PHC3: variants seen among roughly 807,000 people sequenced by gnomAD.
The protein encoded by PHC3 is polyhomeotic-like protein 3.
PHC3 carries 13 observed loss-of-function variants against 107.4 expected under a neutral mutation model. The ratio of observed to expected loss-of-function variants is 0.12; its 90% CI spans 0.08 to 0.19. The LOEUF is 0.19. Ranked by LOEUF, PHC3 falls within the 10% of genes least tolerant of loss-of-function variation. The pLI, the probability that PHC3 is intolerant of heterozygous loss-of-function variation, is 1.00. For missense variants in PHC3, 992 were observed against 1,210.9 expected, an observed-to-expected ratio of 0.82 and a Z score of 2.68; for synonymous variants, 456 against 427.4, an observed-to-expected ratio of 1.07 and a Z score of -0.83.
At chr3:170,136,349 A>T in intron 7 of PHC3, 70 bp downstream of exon 7, 1 of 1,576,118 alleles carries the variant, frequency 6.3e-7, no homozygotes, top group Non-Finnish European at 8.7e-7. Context: ...AGTCATGAAC[A>T]TCCTTTGTTT....
At chr3:170,157,088 T>A (rs1249461682) in intron 4 of PHC3, among the ~76,000 whole-genome samples, 1 of 152,164 alleles carries the variant, frequency 6.6e-6, no homozygotes, top group East Asian at 1.9e-4. Context: ...ATTATCATAT[T>A]GGAAATAATT....
intron 4 of PHC3, among the ~76,000 whole-genome samples, chr3:170,155,332 GAGTAA>G (rs1726721494): frequency 1.3e-5 from 2 of 152,196 alleles, no homozygotes; most frequent in African/African-American, 4.8e-5. Flanking sequence ...GTCCACTGCT[GAGTAA>G]AAAGGCAGCA....
At chr3:170,131,218 A>G (rs1467990225) in intron 7 of PHC3, among the ~76,000 whole-genome samples, 1 of 151,958 alleles carries the variant, frequency 6.6e-6, no homozygotes, top group Non-Finnish European at 1.5e-5. Flanking sequence ...AGTACTTCAC[A>G]CTAAGACTGA....
At position 170,129,020 on chromosome 3, in the gene PHC3, A is replaced by T; in HGVS notation, c.1452T>A (p.Ser484=). The change falls in exon 8 of 15, where the codon TCT becomes TCA. Residue 484 remains serine, a synonymous_variant. Coordinates refer to ENST00000495893, the MANE Select transcript of PHC3 (RefSeq NM_024947.4). ...PVVHIGPVQQ[S]ALVSPGQQIV... The stretch of plus-strand genomic sequence containing the variant: ...TCTGCTGGCCTGGGGATACCAAGGC[A>T]GACTGCTGAACTGGGCCAATGTGTA... 1 of 1,613,446 alleles carries T rather than the reference A, an allele frequency of 6.2e-7. No homozygotes were observed. Among genetic ancestry groups the T allele is most frequent in the Non-Finnish European group, 8.5e-7 (1 of 1,179,608 alleles).
chr3:170,139,635 C>T (rs928745013), intron 6 of PHC3, among the ~76,000 whole-genome samples: 4 of 152,124 alleles, frequency 2.6e-5, no homozygotes, highest in Non-Finnish European at 4.4e-5. Context: ...TACTTACATA[C>T]ACTATGTTGT....
intron 2 of PHC3, among the ~76,000 whole-genome samples, chr3:170,178,206 C>T (rs1730818436): frequency 1.3e-5 from 2 of 149,070 alleles, no homozygotes; most frequent in Admixed American, 6.7e-5. Flanking sequence ...TGCTGTGGCG[C>T]GATCTCCGCT....
At chr3:170,104,472 T>C (rs969971165) in intron 12 of PHC3, among the ~76,000 whole-genome samples, 1 of 152,188 alleles carries the variant, frequency 6.6e-6, no homozygotes, top group Non-Finnish European at 1.5e-5. Context: ...GGGGTCTCAC[T>C]ATGTTGCCCA....
chr3:170,088,384 C>CA lies in PHC3; in HGVS notation c.*8845dup, dbSNP rs1017974422. Reference sequence around the variant, plus strand: ...AACAAAATTTTAATAAGCAAGACGACAAAAAGTACTAATTTAAAAGGCTTG... The same window carrying CA: ...AACAAAATTTTAATAAGCAAGACGACAAAAAAGTACTAATTTAAAAGGCTTG... On this transcript the variant is annotated 3_prime_UTR_variant, in exon 15 of 15. Coordinates refer to ENST00000495893, the MANE Select transcript of PHC3 (RefSeq NM_024947.4). 5.3e-5 allele frequency: 8 copies of CA among 152,258 alleles called. No homozygotes were observed. Among genetic ancestry groups the CA allele is most frequent in the Non-Finnish European group, 8.8e-5 (6 of 68,000 alleles). 9.4% of individuals were successfully genotyped at this position (152,258 alleles called of 1,614,324 possible). A position where few individuals can be genotyped will look rare whatever the true frequency, so the allele number is the denominator to read the frequency against.
intron 4 of PHC3, among the ~76,000 whole-genome samples, chr3:170,155,180 TTAC>T (rs1726692217): frequency 6.6e-6 from 1 of 152,218 alleles, no homozygotes; most frequent in Non-Finnish European, 1.5e-5. Flanking sequence ...TTCCAACCGA[TTAC>T]TACCCATAGC....
At chr3:170,105,848 GTTCT>G (rs1014000748) in intron 12 of PHC3, among the ~76,000 whole-genome samples, 8 of 152,186 alleles carry the variant, frequency 5.3e-5, no homozygotes, top group Non-Finnish European at 7.3e-5. Flanking sequence ...TTAGGGTGGG[GTTCT>G]TTAACATAAA....
intron 7 of PHC3, among the ~76,000 whole-genome samples, chr3:170,134,882 C>G (rs1722811874): frequency 6.6e-6 from 1 of 151,998 alleles, no homozygotes; most frequent in Non-Finnish European, 1.5e-5. Context: ...GGAAAGAGAA[C>G]CAGAAGGGAC....
chr3:170,100,041 A>T (rs985358561), intron 14 of PHC3, among the ~76,000 whole-genome samples: 4 of 152,190 alleles, frequency 2.6e-5, no homozygotes, highest in Non-Finnish European at 5.9e-5. Context: ...GTAATTTTTC[A>T]TTCTGTTAAC....
At chr3:170,134,561 T>C (rs1031807592) in intron 7 of PHC3, among the ~76,000 whole-genome samples, 6 of 152,128 alleles carry the variant, frequency 3.9e-5, no homozygotes, top group Non-Finnish European at 4.4e-5. Context: ...CAATTCTAAG[T>C]ATAGTGATAC....
chr3:170,146,762 A>AC (rs1725033443), intron 5 of PHC3, among the ~76,000 whole-genome samples: 1 of 150,954 alleles, frequency 6.6e-6, no homozygotes, highest in African/African-American at 2.4e-5. Flanking sequence ...CGAACTCCTG[A>AC]CCTCAAGTGA....
chr3:170,147,013 G>C (rs1490195140), intron 5 of PHC3, among the ~76,000 whole-genome samples: 4 of 151,164 alleles, frequency 2.6e-5, no homozygotes, highest in African/African-American at 9.7e-5. Flanking sequence ...CTCCCGAGCA[G>C]CTGGGATTAC....
At position 170,096,304 on chromosome 3, in the gene PHC3, T is replaced by C. The variant is rs1340056773; in HGVS notation, c.*926A>G. 6.6e-6 allele frequency: 1 copy of C among 152,166 alleles called. No individual in the cohort carries two copies. Among genetic ancestry groups the C allele is most frequent in the African/African-American group, 2.4e-5 (1 of 41,446 alleles). The allele number at this position is 152,166 out of a possible 1,614,324, so 9.4% of individuals were successfully genotyped here. A position where few individuals can be genotyped will look rare whatever the true frequency, so the allele number is the denominator to read the frequency against. ...TAGTAAGCTTCATCCTTTAAAAGTA[T>C]TCCTTTGGGTGAAAACAATATTTAT... is the stretch of plus-strand genomic sequence containing the variant. On this transcript the variant is annotated 3_prime_UTR_variant, in exon 15 of 15. Transcript: ENST00000495893.
rs1295085426 is a variant in PHC3 at position 170,092,311 on chromosome 3, CTTT to C, written c.*4916_*4918del. The C allele has an allele frequency of 6.6e-6, 1 of 152,048 alleles. No homozygotes were observed. Among genetic ancestry groups the C allele is most frequent in the Non-Finnish European group, 1.5e-5 (1 of 67,970 alleles). The allele number at this position is 152,048 out of a possible 1,614,324, so 9.4% of individuals were successfully genotyped here. ...CACCATGCCCAGCCCCAAATAATTT[CTTT>C]TAAGATATACAGCTTAACAAGTTGA... is the stretch of plus-strand genomic sequence containing the variant. On this transcript the variant is annotated 3_prime_UTR_variant, in exon 15 of 15. Coordinates refer to ENST00000495893, the MANE Select transcript of PHC3 (RefSeq NM_024947.4).
chr3:170,093,110 G>A lies in PHC3; in HGVS notation c.*4120C>T, dbSNP rs1020926559. On this transcript the variant is annotated 3_prime_UTR_variant, in exon 15 of 15. Coordinates refer to ENST00000495893, the MANE Select transcript of PHC3 (RefSeq NM_024947.4). ...AGTTACATATGTAGTACACAAGATA[G>A]AGATTGAGCAATCATTTTGCATAGA... 6.6e-6 allele frequency: 1 copy of A among 152,152 alleles called. No individual in the cohort carries two copies. The highest frequency in any genetic ancestry group is 2.4e-5 in the African/African-American group (1 of 41,426). The allele number at this position is 152,152 out of a possible 1,614,324, so 9.4% of individuals were successfully genotyped here.
chr3:170,104,525 A>T (rs201453178), intron 12 of PHC3, among the ~76,000 whole-genome samples: 1 of 152,126 alleles, frequency 6.6e-6, no homozygotes, highest in Non-Finnish European at 1.5e-5. Context: ...TTCCCACCTC[A>T]GCCTCCCAAA....
Sources: allele counts gnomAD v4.1 joint callset (sites outside exome capture counted in the v4.1 genomes callset), GRCh38; gene constraint gnomAD v4.1.1; transcripts MANE v1.5; gene names NCBI Gene and HGNC (gene_info 2026-07-23, HGNC 2026-07-21).